MFSD2B: variants seen among roughly 807,000 people sequenced by gnomAD.
The protein encoded by MFSD2B is sphingosine-1-phosphate transporter MFSD2B.
MFSD2B carries 56 observed loss-of-function variants against 58.4 expected under a neutral mutation model. The observed-to-expected ratio is 0.96, with a 90% CI of 0.77 to 1.20. The LOEUF (loss-of-function observed/expected upper bound fraction) is 1.20, where lower values mean the gene tolerates loss of function less well. Among genes scored for constraint, MFSD2B ranks in the 50% most tolerant of loss-of-function variants. MFSD2B has a pLI of 0.00. For synonymous variants in MFSD2B, 287 were observed against 294.4 expected, an observed-to-expected ratio of 0.97 and a Z score of 0.26; for missense variants, 645 against 667.6, an observed-to-expected ratio of 0.97 and a Z score of 0.37.
Position 24,017,701 on chromosome 2 carries a change from T to A in MFSD2B, c.681+113T>A. 2.6e-6 allele frequency: 3 copies of A among 1,138,322 alleles called. No individual in the cohort carries two copies. The highest frequency in any genetic ancestry group is 3.7e-6 in the Non-Finnish European group (3 of 817,242). The allele number at this position is 1,138,322 out of a possible 1,614,324, so 70.5% of individuals were successfully genotyped here. A position where few individuals can be genotyped will look rare whatever the true frequency, so the allele number is the denominator to read the frequency against. ...ACCACTTTGTTGTCTTTTAGGGGGC[T>A]CACTGTGCCCCCTCATTCCTTCCCT... On this transcript the variant is annotated intron_variant, in intron 6 of 13. Transcript: ENST00000338315. This position sits in a 1 kb window ranked among gnomAD's most constrained non-coding sequence, Gnocchi z 4.8.
intron 1 of MFSD2B, among the ~76,000 whole-genome samples, chr2:24,010,651 G>A (rs1395982295): frequency 1.3e-5 from 2 of 152,162 alleles, no homozygotes; most frequent in African/African-American, 4.8e-5. Flanking sequence ...GGAAGGTCCT[G>A]GCCATGGGCT....
intron 3 of MFSD2B, 149 bp from the exon 4 acceptor site, chr2:24,016,696 A>C: frequency 1.1e-6 from 1 of 893,678 alleles, no homozygotes. Context: ...CCCATCGGCC[A>C]CTTCTCCCCT....
At chr2:24,016,028 C>T in intron 2 of MFSD2B, 128 bp from the exon 3 acceptor site, 1 of 1,171,598 alleles carries the variant, frequency 8.5e-7, no homozygotes, top group Non-Finnish European at 1.3e-6. Context: ...GGCTGAGGAG[C>T]CCTTGACACT....
At position 24,026,324 on chromosome 2, in the gene MFSD2B, C is replaced by A. The variant is rs893825348; in HGVS notation, c.*868C>A. ...TTTGGTCTCTGCCCCAGGTTCCTGGCACAGAGCTTCTAAAATGCTAGTAAC... is the reference window on the plus strand; with the variant it reads ...TTTGGTCTCTGCCCCAGGTTCCTGGAACAGAGCTTCTAAAATGCTAGTAAC... On this transcript the variant is annotated 3_prime_UTR_variant, in exon 14 of 14. Coordinates refer to ENST00000338315, the MANE Select transcript of MFSD2B (RefSeq NM_001346880.2). The A allele has an allele frequency of 2.6e-5, 4 of 152,180 alleles. No homozygotes were observed. Among genetic ancestry groups the A allele is most frequent in the Admixed American group, 2.0e-4 (3 of 15,268 alleles). The allele number at this position is 152,180 out of a possible 1,614,324, so 9.4% of individuals were successfully genotyped here.
chr2:24,024,063 C>T lies in MFSD2B; in HGVS notation c.1314-32C>T, dbSNP rs1389793596. The stretch of plus-strand genomic sequence containing the variant: ...ACCCAGGGTGCCAGGCTCAGCAGGC[C>T]CTGCCCTAATGGCTGGCTGATGTTT... On this transcript the variant is annotated intron_variant, in intron 12 of 13. Coordinates refer to ENST00000338315, the MANE Select transcript of MFSD2B (RefSeq NM_001346880.2). The surrounding 1 kb of genome is among the most constrained non-coding windows in gnomAD (Gnocchi z 4.3). The T allele has an allele frequency of 6.2e-7, 1 of 1,610,150 alleles. No homozygotes were observed. The highest frequency in any genetic ancestry group is 1.7e-5 in the Admixed American group (1 of 59,794).
At chr2:24,016,763 G>A in intron 3 of MFSD2B, 82 bp from the exon 4 acceptor site, 1 of 1,542,730 alleles carries the variant, frequency 6.5e-7, no homozygotes. Flanking sequence ...GGCAGAGAAG[G>A]GGTGGGGTTC....
Position 24,023,373 on chromosome 2 carries a change from C to A in MFSD2B, c.1169+134C>A. Reference sequence around the variant, plus strand: ...CACCAGCTCCATCCTCAGAGCCCTCCTGAGAGGACATCAGGCAGTAGGAAT... The same window carrying A: ...CACCAGCTCCATCCTCAGAGCCCTCATGAGAGGACATCAGGCAGTAGGAAT... On this transcript the variant is annotated intron_variant, in intron 11 of 13. Coordinates refer to ENST00000338315, the MANE Select transcript of MFSD2B (RefSeq NM_001346880.2). This position sits in a 1 kb window ranked among gnomAD's most constrained non-coding sequence, Gnocchi z 5.0. 1 of 943,050 alleles carries A rather than the reference C, an allele frequency of 1.1e-6. No individual in the cohort carries two copies. The highest frequency in any genetic ancestry group is 1.6e-6 in the Non-Finnish European group (1 of 608,054). The allele number at this position is 943,050 out of a possible 1,614,324, so 58.4% of individuals were successfully genotyped here. A position where few individuals can be genotyped will look rare whatever the true frequency, so the allele number is the denominator to read the frequency against.
rs1295558027 is a variant in MFSD2B, at chr2:24,026,098, C to T, written c.*642C>T. ...GGGATTACAGACACAGCCCCCGTTC[C>T]CAGCTCTAGCATTTCTTAAGGACAA... On this transcript the variant is annotated 3_prime_UTR_variant, in exon 14 of 14. Coordinates refer to ENST00000338315, the MANE Select transcript of MFSD2B (RefSeq NM_001346880.2). The T allele has an allele frequency of 6.6e-6, 1 of 152,526 alleles. No homozygotes were observed. Among genetic ancestry groups the T allele is most frequent in the Non-Finnish European group, 1.5e-5 (1 of 68,318 alleles). 9.4% of individuals were successfully genotyped at this position (152,526 alleles called of 1,614,324 possible).
At chr2:24,018,192 T>C (rs1709229535) in intron 6 of MFSD2B, 1 of 159,960 alleles carries the variant, frequency 6.3e-6, no homozygotes, top group Non-Finnish European at 1.4e-5. Flanking sequence ...TCCTCCCCTC[T>C]CTCAACTCTC....
Position 24,020,157 on chromosome 2 carries a change from G to A in MFSD2B, c.682-1491G>A, listed in dbSNP as rs1233885847. On this transcript the variant is annotated intron_variant, in intron 6 of 13. Transcript: ENST00000338315. This position sits in a 1 kb window ranked among gnomAD's most constrained non-coding sequence, Gnocchi z 4.1. ...GCTGGGGACATGTGTGGTCCTTGAT[G>A]TGACACAAGGGTTGGGGAAGGGAAA... Among the ~76,000 whole-genome samples the A allele has an allele frequency of 6.6e-6, 1 of 152,196 alleles. No homozygotes were observed. Among genetic ancestry groups the A allele is most frequent in the Non-Finnish European group, 1.5e-5 (1 of 68,036 alleles).
At chr2:24,025,033 G>A (rs1241708194) in intron 13 of MFSD2B, among the ~76,000 whole-genome samples, 1 of 152,204 alleles carries the variant, frequency 6.6e-6, no homozygotes, top group African/African-American at 2.4e-5. Context: ...CACTGCTGCA[G>A]CATCACCACG....
At position 24,024,353 on chromosome 2, in the gene MFSD2B, C is replaced by T; in HGVS notation, c.1490+82C>T. 7.2e-7 allele frequency: 1 copy of T among 1,382,880 alleles called. No homozygotes were observed. The highest frequency in any genetic ancestry group is 1.3e-5 in the South Asian group (1 of 76,676). 85.7% of individuals were successfully genotyped at this position (1,382,880 alleles called of 1,614,324 possible). ...TGACTAACACCAGCCTGCAGACATC[C>T]CTGCTGTGTCACACAGTCCTGCCTC... On this transcript the variant is annotated intron_variant, in intron 13 of 13. Coordinates refer to ENST00000338315, the MANE Select transcript of MFSD2B (RefSeq NM_001346880.2). This position sits in a 1 kb window ranked among gnomAD's most constrained non-coding sequence, Gnocchi z 4.3.
Position 24,023,780 on chromosome 2 carries a change from G to A in MFSD2B, c.1313+54G>A. 1 of 1,595,932 alleles carries A rather than the reference G, an allele frequency of 6.3e-7. No homozygotes were observed. The highest frequency in any genetic ancestry group is 8.6e-7 in the Non-Finnish European group (1 of 1,168,612). ...GGCACCAAGGACCAGTGGGCAGGAA[G>A]AGGGCAAAGCCCCTCACCTACCAAG... On this transcript the variant is annotated intron_variant, in intron 12 of 13. Coordinates refer to ENST00000338315, the MANE Select transcript of MFSD2B (RefSeq NM_001346880.2). This position sits in a 1 kb window ranked among gnomAD's most constrained non-coding sequence, Gnocchi z 5.0.
Position 24,023,707 on chromosome 2 carries a change from A to G in MFSD2B, c.1294A>G (p.Ile432Val). 1 of 1,613,906 alleles carries G rather than the reference A, an allele frequency of 6.2e-7. No individual in the cohort carries two copies. Among genetic ancestry groups the G allele is most frequent in the East Asian group, 2.2e-5 (1 of 44,872 alleles). The change falls in exon 12 of 14, where the codon ATC becomes GTC. Residue 432 changes from isoleucine to valine, a missense_variant. By Grantham distance (29) the Ile-to-Val change is conservative. Coordinates refer to ENST00000338315, the MANE Select transcript of MFSD2B (RefSeq NM_001346880.2). The surrounding 1 kb of genome is among the most constrained non-coding windows in gnomAD (Gnocchi z 5.0). ...TKLSGACALGISTLSLEFSGY... is the reference protein window; with the variant it reads ...TKLSGACALGVSTLSLEFSGY... Reference sequence around the variant, plus strand: ...GCTGTCTGGCGCATGTGCCCTGGGCATCTCCACCCTCAGTCTGGAGTGAGT... The same window carrying G: ...GCTGTCTGGCGCATGTGCCCTGGGCGTCTCCACCCTCAGTCTGGAGTGAGT...
At position 24,020,436 on chromosome 2, in the gene MFSD2B, C is replaced by T. The variant is rs934328380; in HGVS notation, c.682-1212C>T. On this transcript the variant is annotated intron_variant, in intron 6 of 13. Transcript: ENST00000338315. The surrounding 1 kb of genome is among the most constrained non-coding windows in gnomAD (Gnocchi z 4.1). The stretch of plus-strand genomic sequence containing the variant: ...AGGATGAGTGCCCTGCCCCACCCTG[C>T]GCCCTCCCTCTCCTCCCCTCCCCAG... Among the ~76,000 whole-genome samples, 2 of 152,100 alleles carry T rather than the reference C, an allele frequency of 1.3e-5. No homozygotes were observed. The highest frequency in any genetic ancestry group is 2.9e-5 in the Non-Finnish European group (2 of 67,994).
Position 24,017,361 on chromosome 2 carries a change from T to C in MFSD2B, c.547T>C (p.Tyr183His). 6.2e-7 allele frequency: 1 copy of C among 1,604,506 alleles called. No homozygotes were observed. The highest frequency in any genetic ancestry group is 8.5e-7 in the Non-Finnish European group (1 of 1,176,270). Residue 183 changes from tyrosine to histidine, a missense_variant, in exon 5 of 14, where the codon TAC (tyrosine) becomes CAC (histidine). Physicochemically the swap from Tyr to His is moderately conservative, Grantham distance 83 (BLOSUM62 2). Transcript: ENST00000338315. This position sits in a 1 kb window ranked among gnomAD's most constrained non-coding sequence, Gnocchi z 4.8. ...AAGGGAGCGGGACTCGGCCACCGCC[T>C]ACCGTGAGTGCAGCCGTGGGTTTCG... ...CPRERDSATA[Y>H]RMTVEMAGTL...
chr2:24,013,234 AC>A, intron 1 of MFSD2B, 50 bp from the exon 2 acceptor site: 2 of 1,530,156 alleles, frequency 1.3e-6, no homozygotes, highest in Non-Finnish European at 1.8e-6. Context: ...GGGTGTGGGG[AC>A]CTGTTTTGTG....
At position 24,016,841 on chromosome 2, in the gene MFSD2B, G is replaced by A. The variant is rs779366878; in HGVS notation, c.348-4G>A. The stretch of plus-strand genomic sequence containing the variant: ...GCCGCTCCACCTCGGCTGTGCTTCC[G>A]CAGGGTGCTGGGCTGCACCCCCTTC... On this transcript the variant is annotated splice_region_variant and splice_polypyrimidine_tract_variant and intron_variant, in intron 3 of 13. Transcript: ENST00000338315. 63 of 1,612,734 alleles carry A rather than the reference G, an allele frequency of 3.9e-5. No individual in the cohort carries two copies. Among genetic ancestry groups the A allele is most frequent in the Non-Finnish European group, 4.9e-5 (58 of 1,179,768 alleles).
In MFSD2B at chr2:24,017,882, C is replaced by A. The variant is rs778608713; in HGVS notation, c.681+294C>A. The stretch of plus-strand genomic sequence containing the variant: ...AGAGGAGGGGCGAGGGTGGGGAAAG[C>A]CGCAGGACAGGCTAGGGGAGGGGGC... On this transcript the variant is annotated intron_variant, in intron 6 of 13. Transcript: ENST00000338315. This position sits in a 1 kb window ranked among gnomAD's most constrained non-coding sequence, Gnocchi z 4.8. Among the ~76,000 whole-genome samples the A allele has an allele frequency of 2.6e-5, 4 of 152,128 alleles. No homozygotes were observed. Among genetic ancestry groups the A allele is most frequent in the Non-Finnish European group, 5.9e-5 (4 of 68,020 alleles).
Sources: gnomAD v4.1 joint callset for allele counts (sites outside exome capture counted in the v4.1 genomes callset) on GRCh38, gnomAD v4.1.1 for gene constraint, Gnocchi (gnomAD v3.1) non-coding constraint, MANE v1.5 for transcripts, NCBI Gene and HGNC (gene_info 2026-07-23, HGNC 2026-07-21) for gene names.